CTNND2: variants seen among roughly 807,000 people sequenced by gnomAD.
CTNND2 encodes the protein catenin delta-2.
In CTNND2, 22 loss-of-function variants were observed where a neutral mutation model predicts 144.4. The ratio of observed to expected loss-of-function variants is 0.15; its 90% CI spans 0.11 to 0.22. CTNND2 has a LOEUF of 0.22. Among genes scored for constraint, CTNND2 ranks in the 10% least tolerant of loss-of-function variants. The pLI, the probability that CTNND2 is intolerant of heterozygous loss-of-function variation, is 1.00. For missense variants in CTNND2, 1,353 were observed against 1,618.8 expected (o/e 0.84, Z 2.82); for synonymous variants, 751 against 695.6 (o/e 1.08, Z -1.25).
intron 3 of CTNND2, among the ~76,000 whole-genome samples, chr5:11,556,789 A>G (rs1177630320): frequency 1.3e-5 from 2 of 152,220 alleles, no homozygotes; most frequent in Non-Finnish European, 2.9e-5. Flanking sequence ...GGTGGGAAGA[A>G]AAGAAAGCAC....
At chr5:11,855,881 C>G (rs1795227841) in intron 1 of CTNND2, among the ~76,000 whole-genome samples, 1 of 152,126 alleles carries the variant, frequency 6.6e-6, no homozygotes, top group Non-Finnish European at 1.5e-5. Flanking sequence ...CTGCCCTAAG[C>G]CATCAACTCC....
At chr5:11,708,595 C>A (rs566165399) in intron 2 of CTNND2, among the ~76,000 whole-genome samples, 1 of 151,910 alleles carries the variant, frequency 6.6e-6, no homozygotes, top group African/African-American at 2.4e-5. Flanking sequence ...TCTTGCTTGG[C>A]GAGTCTGGGA....
chr5:11,058,989 C>A (rs150004409), intron 16 of CTNND2, among the ~76,000 whole-genome samples: 3 of 152,194 alleles, frequency 2.0e-5, no homozygotes, highest in Admixed American at 6.5e-5. Flanking sequence ...AATATCTCTA[C>A]CCCATTGTAT....
chr5:11,903,992 T>C lies in CTNND2; in HGVS notation c.-139A>G. The C allele has an allele frequency of 9.6e-7, 1 of 1,036,412 alleles. No individual in the cohort carries two copies. The highest frequency in any genetic ancestry group is 1.2e-6 in the Non-Finnish European group (1 of 809,872). 64.2% of individuals were successfully genotyped at this position (1,036,412 alleles called of 1,614,324 possible). A position where few individuals can be genotyped will look rare whatever the true frequency, so the allele number is the denominator to read the frequency against. On this transcript the variant is annotated 5_prime_UTR_variant, in exon 1 of 22. Coordinates refer to ENST00000304623, the MANE Select transcript of CTNND2 (RefSeq NM_001332.4). This position sits in a 1 kb window ranked among gnomAD's most constrained non-coding sequence, Gnocchi z 5.4. ...CTGAGCGCGGCCGCGGGACAAGGGA[T>C]GCTGGCGGGCGGCAGGGGCGAGCGC...
chr5:11,894,930 T>C (rs956287784), intron 1 of CTNND2, among the ~76,000 whole-genome samples: 2 of 152,184 alleles, frequency 1.3e-5, no homozygotes, highest in African/African-American at 4.8e-5. Context: ...ACTACTATCC[T>C]ATGATTTGTG....
chr5:11,793,327 C>G (rs1791236042), intron 1 of CTNND2, among the ~76,000 whole-genome samples: 1 of 152,256 alleles, frequency 6.6e-6, no homozygotes, highest in African/African-American at 2.4e-5. Context: ...TGGATTCATC[C>G]TTGATGCCTT....
Position 11,384,748 on chromosome 5 carries a change from A to G in CTNND2, c.1094T>C (p.Leu365Pro). ...TYATLSPTKR[L>P]VHASEQYSKH... The stretch of plus-strand genomic sequence containing the variant: ...GCTGTACTGCTCGGACGCGTGGACC[A>G]GGCGCTTGGTGGGCGACAGGGTGGC... Residue 365 changes from leucine to proline, a missense_variant, in exon 7 of 22, where the codon CTG becomes CCG. By Grantham distance (98) the Leu-to-Pro change is moderately conservative. Coordinates refer to ENST00000304623, the MANE Select transcript of CTNND2 (RefSeq NM_001332.4). The surrounding 1 kb of genome is among the most constrained non-coding windows in gnomAD (Gnocchi z 5.2). 1.2e-6 allele frequency: 2 copies of G among 1,612,828 alleles called. No homozygotes were observed. Among genetic ancestry groups the G allele is most frequent in the South Asian group, 1.1e-5 (1 of 90,848 alleles).
At chr5:11,283,936 G>A (rs1378138111) in intron 9 of CTNND2, among the ~76,000 whole-genome samples, 1 of 152,158 alleles carries the variant, frequency 6.6e-6, no homozygotes, top group Non-Finnish European at 1.5e-5. Flanking sequence ...GACGTGTATT[G>A]TGTTTTTCCC....
At chr5:11,179,781 G>T (rs1276561354) in intron 11 of CTNND2, among the ~76,000 whole-genome samples, 2 of 152,094 alleles carry the variant, frequency 1.3e-5, no homozygotes, top group African/African-American at 2.4e-5. Context: ...TATGTAATTG[G>T]CTTGGAGAAA....
chr5:11,062,110 T>C (rs1260028891), intron 16 of CTNND2, among the ~76,000 whole-genome samples: 2 of 152,228 alleles, frequency 1.3e-5, no homozygotes, highest in East Asian at 3.8e-4. Flanking sequence ...ACTCAAAAAA[T>C]ATTGGTCAAA....
intron 1 of CTNND2, among the ~76,000 whole-genome samples, chr5:11,773,210 T>C (rs1475246445): frequency 6.6e-6 from 1 of 152,216 alleles, no homozygotes; most frequent in Admixed American, 6.5e-5. Context: ...CAAATATATC[T>C]ATGAATCCAT....
intron 17 of CTNND2, among the ~76,000 whole-genome samples, chr5:11,019,977 A>ATATAT (rs1160404464): frequency 1.3e-5 from 2 of 152,224 alleles, no homozygotes; most frequent in African/African-American, 4.8e-5. Context: ...TGGCGAGTAT[A>ATATAT]AGACTACTAT....
chr5:11,397,126 G>A lies in CTNND2; in HGVS notation c.517C>T (p.His173Tyr), dbSNP rs753613687. Residue 173 changes from histidine to tyrosine, a missense_variant, in exon 6 of 22, where the codon CAT becomes TAT. Coordinates refer to ENST00000304623, the MANE Select transcript of CTNND2 (RefSeq NM_001332.4). ...CCCAGGGCCAGGGTCTGGTTGCTAT[G>A]GTAGCTGGCCGGATACTGGAAAGAC... Reference protein sequence around the residue: ...EGSFQYPASYHSNQTLALGET... With the variant: ...EGSFQYPASYYSNQTLALGET... The A allele has an allele frequency of 4.3e-6, 7 of 1,614,082 alleles. No individual in the cohort carries two copies. The Admixed American group carries it at 1.2e-4, about 27-fold the overall frequency.
chr5:11,005,009 A>G (rs968985851), intron 18 of CTNND2, among the ~76,000 whole-genome samples: 1 of 152,238 alleles, frequency 6.6e-6, no homozygotes, highest in Non-Finnish European at 1.5e-5. Flanking sequence ...ATCAATAGCC[A>G]GGCTGTAAGA....
intron 10 of CTNND2, among the ~76,000 whole-genome samples, chr5:11,235,136 C>T (rs1275382610): frequency 3.3e-5 from 5 of 152,080 alleles, no homozygotes; most frequent in South Asian, 4.1e-4. Flanking sequence ...CATCCCACTT[C>T]GGCGGGGCAC....
intron 5 of CTNND2, among the ~76,000 whole-genome samples, chr5:11,403,033 C>CT (rs1370163387): frequency 1.3e-5 from 2 of 151,758 alleles, no homozygotes; most frequent in African/African-American, 2.4e-5. Context: ...AACTTTTTTT[C>CT]TTTTTTTTAA....
intron 9 of CTNND2, among the ~76,000 whole-genome samples, chr5:11,241,930 T>TG (rs1354292199): frequency 2.4e-5 from 3 of 125,254 alleles, no homozygotes; most frequent in South Asian, 2.6e-4. Context: ...TCACCGGGGG[T>TG]GGGGGGTCGG....
intron 7 of CTNND2, among the ~76,000 whole-genome samples, chr5:11,382,615 G>A (rs747982316): frequency 0.018 from 2,778 of 150,856 alleles, 54 homozygotes; most frequent in Middle Eastern, 0.031. Context: ...GTGTGTGTGT[G>A]TGTGTGTGTG....
chr5:11,861,838 C>G (rs1039936458), intron 1 of CTNND2, among the ~76,000 whole-genome samples: 1 of 152,172 alleles, frequency 6.6e-6, no homozygotes, highest in African/African-American at 2.4e-5. Context: ...GACTCCTTGG[C>G]ATTTCTTGAG....
Sources: allele counts gnomAD v4.1 joint callset (sites outside exome capture counted in the v4.1 genomes callset), GRCh38; gene constraint gnomAD v4.1.1; non-coding constraint Gnocchi (gnomAD v3.1); transcripts MANE v1.5; gene names NCBI Gene and HGNC (gene_info 2026-07-23, HGNC 2026-07-21).